ESYT2: variants seen among roughly 807,000 people sequenced by gnomAD.
ESYT2 encodes extended synaptotagmin 2.
Under a neutral mutation model 107.2 loss-of-function variants are expected in ESYT2, and 54 were observed. That is an observed-to-expected ratio of 0.50 (90% CI 0.40 to 0.63). The LOEUF (loss-of-function observed/expected upper bound fraction) is 0.63, where lower values mean the gene tolerates loss of function less well. Among genes scored for constraint, ESYT2 ranks in the 30% least tolerant of loss-of-function variants. The probability of loss-of-function intolerance (pLI) is 0.00; values close to 1 mark genes in which losing one functional copy is unlikely to be tolerated. For missense variants in ESYT2, 1,020 were observed against 1,094.5 expected (o/e 0.93, Z 0.96); for synonymous variants, 491 against 434.1 (o/e 1.13, Z -1.63).
intron 1 of ESYT2, among the ~76,000 whole-genome samples, chr7:158,811,772 G>A (rs942688545): frequency 2.0e-5 from 3 of 152,196 alleles, no homozygotes; most frequent in Non-Finnish European, 2.9e-5. Flanking sequence ...GTTTATGGAC[G>A]TCTCAGGAGA....
chr7:158,764,067 A>G (rs1192288176), intron 9 of ESYT2, among the ~76,000 whole-genome samples: 1 of 152,192 alleles, frequency 6.6e-6, no homozygotes, highest in Non-Finnish European at 1.5e-5. Context: ...TTCTACAAAG[A>G]TATTTCAGTC....
intron 4 of ESYT2, among the ~76,000 whole-genome samples, chr7:158,793,290 T>G (rs1839364832): frequency 6.6e-6 from 1 of 152,208 alleles, no homozygotes. Context: ...ATCTTTGCAT[T>G]CTGGGAATAA....
intron 6 of ESYT2, among the ~76,000 whole-genome samples, chr7:158,776,855 CTTTT>C (rs746847104): frequency 7.8e-5 from 11 of 140,336 alleles, no homozygotes; most frequent in Non-Finnish European, 1.6e-4. Context: ...TCTAGCTTCG[CTTTT>C]TTTTTTTTTT....
chr7:158,767,749 C>T lies in ESYT2; in HGVS notation c.829G>A (p.Asp277Asn). 6.2e-7 allele frequency: 1 copy of T among 1,612,684 alleles called. No individual in the cohort carries two copies. ...AGCACCAGATAGTTTGATATTATAT[C>T]CAAAATGATAGTATCTGATAAACCA... ...LNGLSDTIIL[D>N]IISNYLVLPN... The change falls in exon 8 of 23, where the codon GAT becomes AAT. Residue 277 changes from aspartate to asparagine, a missense_variant. Transcript: ENST00000275418.
At chr7:158,741,186 C>T (rs548710839) in intron 18 of ESYT2, among the ~76,000 whole-genome samples, 16 of 152,304 alleles carry the variant, frequency 1.1e-4, no homozygotes, top group East Asian at 3.9e-4. Flanking sequence ...GCGAGGCCCG[C>T]GGGCCAGCTC....
intron 4 of ESYT2, among the ~76,000 whole-genome samples, chr7:158,791,392 G>A (rs1839288008): frequency 6.6e-6 from 1 of 152,188 alleles, no homozygotes; most frequent in African/African-American, 2.4e-5. Flanking sequence ...GAATGTGGGT[G>A]TGCAAATATC....
chr7:158,770,585 G>A (rs1253060832), intron 7 of ESYT2, among the ~76,000 whole-genome samples: 1 of 151,702 alleles, frequency 6.6e-6, no homozygotes, highest in East Asian at 1.9e-4. Flanking sequence ...CGCGATCTTT[G>A]CTCAGTGCAA....
chr7:158,760,907 C>G (rs745901405), intron 11 of ESYT2, among the ~76,000 whole-genome samples: 1 of 152,158 alleles, frequency 6.6e-6, no homozygotes, highest in African/African-American at 2.4e-5. Flanking sequence ...GGGAAGGAAA[C>G]GTGTGATTAC....
intron 1 of ESYT2, 125 bp from the exon 2 acceptor site, chr7:158,799,197 G>T: frequency 2.4e-6 from 2 of 824,756 alleles, no homozygotes; most frequent in Non-Finnish European, 1.9e-6. Context: ...AAAACACTCT[G>T]CTCTAAAGCT....
intron 1 of ESYT2, among the ~76,000 whole-genome samples, chr7:158,814,965 G>A (rs1840109010): frequency 6.6e-6 from 1 of 152,236 alleles, no homozygotes; most frequent in African/African-American, 2.4e-5. Context: ...GAGAATGCAA[G>A]GGAGTGCACA....
At chr7:158,810,031 A>G (rs1018874958) in intron 1 of ESYT2, among the ~76,000 whole-genome samples, 1 of 152,230 alleles carries the variant, frequency 6.6e-6, no homozygotes, top group Non-Finnish European at 1.5e-5. Flanking sequence ...TTTAACAACA[A>G]GTTTTGATGA....
At chr7:158,826,745 C>A (rs1278898594) in intron 1 of ESYT2, among the ~76,000 whole-genome samples, 2 of 143,460 alleles carry the variant, frequency 1.4e-5, no homozygotes, top group Non-Finnish European at 3.0e-5. Context: ...GGCTTGAACC[C>A]GGGAGGCGGA....
intron 18 of ESYT2, among the ~76,000 whole-genome samples, chr7:158,740,655 C>G (rs1837159540): frequency 6.6e-6 from 1 of 152,150 alleles, no homozygotes. Flanking sequence ...CCAAATTGAG[C>G]TCCTGAGAAA....
intron 6 of ESYT2, among the ~76,000 whole-genome samples, chr7:158,774,883 C>T (rs990635697): frequency 6.6e-6 from 1 of 152,212 alleles, no homozygotes; most frequent in African/African-American, 2.4e-5. Context: ...GCCACATGAA[C>T]TTCAGGAAAG....
chr7:158,819,609 A>G (rs2129474241), intron 1 of ESYT2, among the ~76,000 whole-genome samples: 1 of 152,376 alleles, frequency 6.6e-6, no homozygotes, highest in East Asian at 1.9e-4. Context: ...AAATCCACGG[A>G]AATGTTGCCA....
chr7:158,807,411 T>C lies in ESYT2; in HGVS notation c.331-8339A>G, dbSNP rs529886814. On this transcript the variant is annotated intron_variant, in intron 1 of 22. Coordinates refer to ENST00000275418, the MANE Select transcript of ESYT2 (RefSeq NM_001367773.1). ...TCCTAGGAGCTTAACTTTATTCTCA[T>C]GCAGATAGGAAATTATCGCGACTTA... Among the ~76,000 whole-genome samples, 10 of 152,304 alleles carry C rather than the reference T, an allele frequency of 6.6e-5. No individual in the cohort carries two copies. In the South Asian group the frequency reaches 2.1e-3, roughly 32 times the overall value.
At chr7:158,735,404 C>T in intron 21 of ESYT2, 99 bp downstream of exon 21, 1 of 931,538 alleles carries the variant, frequency 1.1e-6, no homozygotes, top group East Asian at 2.6e-5. Flanking sequence ...GTAAGTTCGC[C>T]CCTTCCACTT....
rs1279776397 is a variant in ESYT2 at position 158,793,585 on chromosome 7, C to T, written c.584+65G>A. 6 of 1,184,328 alleles carry T rather than the reference C, an allele frequency of 5.1e-6. No individual in the cohort carries two copies. The African/African-American group carries it at 7.5e-5, about 15-fold the overall frequency. The allele number at this position is 1,184,328 out of a possible 1,614,324, so 73.4% of individuals were successfully genotyped here. ...TGTGCTCACTGTATCCTCCACCTTA[C>T]AGGTACAGCTAAGTGACATTACACG... On this transcript the variant is annotated intron_variant, in intron 4 of 22. Coordinates refer to ENST00000275418, the MANE Select transcript of ESYT2 (RefSeq NM_001367773.1).
chr7:158,805,559 A>C (rs929035976), intron 1 of ESYT2, among the ~76,000 whole-genome samples: 1 of 152,218 alleles, frequency 6.6e-6, no homozygotes, highest in Non-Finnish European at 1.5e-5. Flanking sequence ...GCCATCAATT[A>C]ATTCACACAG....
Sources: allele counts gnomAD v4.1 joint callset (sites outside exome capture counted in the v4.1 genomes callset), GRCh38; gene constraint gnomAD v4.1.1; transcripts MANE v1.5; gene names NCBI Gene and HGNC (gene_info 2026-07-23, HGNC 2026-07-21).